The following SNTA1 variants were observed in gnomAD, a reference collection of about 807,000 sequenced individuals.
The protein encoded by SNTA1 is syntrophin alpha 1.
In SNTA1, 31 loss-of-function variants were observed where a neutral mutation model predicts 47.1. The observed-to-expected ratio is 0.66, with a 90% CI of 0.49 to 0.89. The LOEUF (loss-of-function observed/expected upper bound fraction) is 0.89. Among genes scored for constraint, SNTA1 ranks in the 40% least tolerant of loss-of-function variants. SNTA1 has a pLI of 0.00. For missense variants in SNTA1, 575 were observed against 693.0 expected, an observed-to-expected ratio of 0.83 and a Z score of 1.91; for synonymous variants, 300 against 313.6, an observed-to-expected ratio of 0.96 and a Z score of 0.46.
At chr20:33,429,499 G>A (rs1370557992) in intron 2 of SNTA1, among the ~76,000 whole-genome samples, 1 of 151,342 alleles carries the variant, frequency 6.6e-6, no homozygotes, top group African/African-American at 2.4e-5. Flanking sequence ...ATGTGTTGGT[G>A]CGCGCCTGTA....
intron 5 of SNTA1, 111 bp from the exon 6 acceptor site, chr20:33,410,442 A>C: frequency 1.4e-6 from 1 of 713,506 alleles, no homozygotes; most frequent in Non-Finnish European, 2.4e-6. Flanking sequence ...TTTACCACCT[A>C]ACAGGACAGG....
intron 3 of SNTA1, among the ~76,000 whole-genome samples, chr20:33,417,040 G>A (rs1600843909): frequency 6.6e-6 from 1 of 151,896 alleles, no homozygotes; most frequent in African/African-American, 2.4e-5. Flanking sequence ...TTGAACCCAG[G>A]AGGCAGAAAT....
Position 33,412,403 on chromosome 20 carries a change from G to GGGGGC in SNTA1, c.928_932dup (p.Thr312ProfsTer7). 1 of 1,611,070 alleles carries GGGGGC rather than the reference G, an allele frequency of 6.2e-7. No homozygotes were observed. Among genetic ancestry groups the GGGGGC allele is most frequent in the Non-Finnish European group, 8.5e-7 (1 of 1,179,138 alleles). ...CCTTTTCAGTTAGCAGGGCCAGGGTGGGGGCTGTGCCCCCACTGGGCAGCT... is the reference window on the plus strand; with the variant it reads ...CCTTTTCAGTTAGCAGGGCCAGGGTGGGGGCGGGGCTGTGCCCCCACTGGGCAGCT... On this transcript the variant is annotated frameshift_variant, in exon 5 of 8. Coordinates refer to ENST00000217381, the MANE Select transcript of SNTA1 (RefSeq NM_003098.3). LOFTEE classifies it high-confidence loss of function.
chr20:33,432,982 T>C (rs933673906), intron 2 of SNTA1, among the ~76,000 whole-genome samples: 1 of 152,214 alleles, frequency 6.6e-6, no homozygotes, highest in African/African-American at 2.4e-5. Context: ...CAAGCTGGAA[T>C]GCAGTGGTGC....
rs1989704309 is a variant in SNTA1, at chr20:33,410,186, G to A, written c.1186C>T (p.Leu396Phe). The A allele has an allele frequency of 6.2e-7, 1 of 1,614,090 alleles. No individual in the cohort carries two copies. Among genetic ancestry groups the A allele is most frequent in the African/African-American group, 1.3e-5 (1 of 74,950 alleles). ...GCGGCCCGGTGACAGCCATCCACAAGCTGGCGGGTCCAGGCAGCCAGCTCC... is the reference window on the plus strand; with the variant it reads ...GCGGCCCGGTGACAGCCATCCACAAACTGGCGGGTCCAGGCAGCCAGCTCC... Reference protein sequence around the residue: ...PQELAAWTRQLVDGCHRAAEG... With the variant: ...PQELAAWTRQFVDGCHRAAEG... Residue 396 changes from leucine to phenylalanine, a missense_variant, in exon 6 of 8, where the codon CTT (leucine) becomes TTT (phenylalanine). Coordinates refer to ENST00000217381, the MANE Select transcript of SNTA1 (RefSeq NM_003098.3).
rs751171732 is a variant in SNTA1, at chr20:33,412,773, C to T, written c.711G>A (p.Glu237=). ...TGTCTTGACCATCTGCCGAGCAGAT[C>T]TCCAGATACCTGCAGGCACAAATGG... ...TPNDPEPRYL[E]ICSADGQDTL... is the part of the protein sequence containing the mutation. The change falls in exon 4 of 8, where the codon GAG becomes GAA. Residue 237 remains glutamate, a synonymous_variant. Coordinates refer to ENST00000217381, the MANE Select transcript of SNTA1 (RefSeq NM_003098.3). The T allele has an allele frequency of 5.0e-6, 8 of 1,607,818 alleles. No individual in the cohort carries two copies. Among genetic ancestry groups the T allele is most frequent in the Non-Finnish European group, 6.8e-6 (8 of 1,177,324 alleles).
chr20:33,417,957 G>T, intron 2 of SNTA1, 34 bp from the exon 3 acceptor site: 2 of 1,394,026 alleles, frequency 1.4e-6, no homozygotes, highest in South Asian at 1.2e-5. Context: ...TCACCACTGT[G>T]ACATGGGCTC....
rs1233874261 is a variant in SNTA1 at position 33,443,092 on chromosome 20, T to C, written c.310+219A>G. Among the ~76,000 whole-genome samples, 3 of 151,444 alleles carry C rather than the reference T, an allele frequency of 2.0e-5. No individual in the cohort carries two copies. In the South Asian group the frequency reaches 6.3e-4, roughly 32 times the overall value. On this transcript the variant is annotated intron_variant, in intron 1 of 7. Coordinates refer to ENST00000217381, the MANE Select transcript of SNTA1 (RefSeq NM_003098.3). ...CGTGTCCTTGGTGCTCCCACAATCTTATCCACACCTGTGTCTTCCGTGCCC... is the reference window on the plus strand; with the variant it reads ...CGTGTCCTTGGTGCTCCCACAATCTCATCCACACCTGTGTCTTCCGTGCCC...
intron 1 of SNTA1, among the ~76,000 whole-genome samples, chr20:33,442,711 G>A (rs13038008): frequency 0.012 from 1,878 of 152,222 alleles, 26 homozygotes; most frequent in Non-Finnish European, 0.015. Context: ...GGGGCTGAAA[G>A]CTCTATCCTG....
chr20:33,427,142 C>T (rs539439383), intron 2 of SNTA1, among the ~76,000 whole-genome samples: 1 of 152,000 alleles, frequency 6.6e-6, no homozygotes, highest in African/African-American at 2.4e-5. Flanking sequence ...CTTCTCCTGC[C>T]TGGCATAGAA....
Position 33,410,342 on chromosome 20 carries a change from G to C in SNTA1, c.1041-11C>G, listed in dbSNP as rs1600837421. 6.3e-7 allele frequency: 1 copy of C among 1,574,986 alleles called. No homozygotes were observed. The highest frequency in any genetic ancestry group is 2.3e-5 in the East Asian group (1 of 43,872). ...CCTGAGTGCACCAGTCTGGGGGTTG[G>C]GGGCAGAGGGCTGAGCATGAGGCCT... On this transcript the variant is annotated splice_polypyrimidine_tract_variant and intron_variant, in intron 5 of 7. Coordinates refer to ENST00000217381, the MANE Select transcript of SNTA1 (RefSeq NM_003098.3).
intron 2 of SNTA1, among the ~76,000 whole-genome samples, chr20:33,436,950 TA>T (rs1990454930): frequency 1.0e-5 from 1 of 96,646 alleles, no homozygotes; most frequent in Admixed American, 1.5e-4. Flanking sequence ...GGCGACAGAG[TA>T]AGACTCCATC....
intron 3 of SNTA1, among the ~76,000 whole-genome samples, chr20:33,413,438 G>A (rs1201145016): frequency 6.6e-6 from 1 of 151,998 alleles, no homozygotes; most frequent in Non-Finnish European, 1.5e-5. Context: ...CTACACGTAT[G>A]CAGATACACA....
At chr20:33,438,777 G>T in intron 2 of SNTA1, 64 bp downstream of exon 2, 1 of 1,356,222 alleles carries the variant, frequency 7.4e-7, no homozygotes. Context: ...AGGCCTGGGG[G>T]AGGTAGAGAA....
In SNTA1 at chr20:33,412,714, G is replaced by A. The variant is rs56157422; in HGVS notation, c.770C>T (p.Ala257Val). The part of the protein sequence containing the change: ...LFLRAKDEAS[A>V]RSWATAIQAQ... ...TTGGATGGCAGTCGCCCACGACCTC[G>A]CACTAGCCTCATCCTTGGCCCTCAG... Residue 257 changes from alanine to valine, a missense_variant, in exon 4 of 8, where the codon GCG (alanine) becomes GTG (valine). Ala to Val is a moderately conservative substitution (Grantham distance 64). Transcript: ENST00000217381. 5 of 1,613,446 alleles carry A rather than the reference G, an allele frequency of 3.1e-6. No individual in the cohort carries two copies. The highest frequency in any genetic ancestry group is 4.5e-5 in the East Asian group (2 of 44,888).
At position 33,443,495 on chromosome 20, in the gene SNTA1, C is replaced by A; in HGVS notation, c.126G>T (p.Val42=). ...LLSLAEDVLT[V]SPADGDPGPE... is the part of the protein sequence containing the mutation. ...GACCAGGGTCGCCGTCGGCGGGGCT[C>A]ACGGTCAGCACGTCCTCCGCCAGAC... is the stretch of plus-strand genomic sequence containing the variant. Residue 42 remains valine (V), a synonymous_variant, in exon 1 of 8, where the codon GTG becomes GTT. Transcript: ENST00000217381. 7.3e-7 allele frequency: 1 copy of A among 1,379,118 alleles called. No individual in the cohort carries two copies. The highest frequency in any genetic ancestry group is 9.4e-7 in the Non-Finnish European group (1 of 1,061,280). The allele number at this position is 1,379,118 out of a possible 1,614,324, so 85.4% of individuals were successfully genotyped here.
intron 6 of SNTA1, 107 bp downstream of exon 6, chr20:33,410,028 C>T: frequency 8.4e-7 from 1 of 1,191,948 alleles, no homozygotes; most frequent in Non-Finnish European, 1.2e-6. Flanking sequence ...GACCTCCAAA[C>T]CCCATTTTCT....
At position 33,408,395 on chromosome 20, in the gene SNTA1, T is replaced by C; in HGVS notation, c.*112A>G. 1.2e-6 allele frequency: 1 copy of C among 808,990 alleles called. No individual in the cohort carries two copies. Among genetic ancestry groups the C allele is most frequent in the South Asian group, 1.4e-5 (1 of 69,492 alleles). The allele number at this position is 808,990 out of a possible 1,614,324, so 50.1% of individuals were successfully genotyped here. A position where few individuals can be genotyped will look rare whatever the true frequency, so the allele number is the denominator to read the frequency against. On this transcript the variant is annotated 3_prime_UTR_variant, in exon 8 of 8. Transcript: ENST00000217381. Reference sequence around the variant, plus strand: ...TCAGGGTTGGGGTTTCGGAGGCCCTTGTTCCTCTCCTCTCCCTTCCCTCAG... The same window carrying C: ...TCAGGGTTGGGGTTTCGGAGGCCCTCGTTCCTCTCCTCTCCCTTCCCTCAG...
chr20:33,428,028 A>G (rs1460467404), intron 2 of SNTA1, among the ~76,000 whole-genome samples: 3 of 152,092 alleles, frequency 2.0e-5, no homozygotes, highest in South Asian at 4.2e-4. Context: ...GGCCTCAAAC[A>G]ATCCTCCAAC....
Sources: allele counts gnomAD v4.1 joint callset (sites outside exome capture counted in the v4.1 genomes callset), GRCh38; gene constraint gnomAD v4.1.1; transcripts MANE v1.5; gene names NCBI Gene and HGNC (gene_info 2026-07-23, HGNC 2026-07-21).